Variants in MGAM2 observed in about 807,000 individuals in gnomAD.
MGAM2 encodes maltase-glucoamylase 2 (putative).
Under a neutral mutation model 96.1 loss-of-function variants are expected in MGAM2, and 98 were observed. The observed-to-expected ratio is 1.02, with a 90% CI of 0.87 to 1.21. The LOEUF (loss-of-function observed/expected upper bound fraction) is 1.21. MGAM2 is among the 50% of genes most tolerant of loss of function. The pLI is 0.00. For missense variants in MGAM2, 2,055 were observed against 1,182.4 expected (o/e 1.74, Z -10.82); for synonymous variants, 749 against 414.8 (o/e 1.81, Z -9.79).
chr7:142,137,514 C>A lies in MGAM2; in HGVS notation c.929C>A (p.Thr310Asn), dbSNP rs1795094957. 1 of 701,434 alleles carries A rather than the reference C, an allele frequency of 1.4e-6. No homozygotes were observed. Among genetic ancestry groups the A allele is most frequent in the Admixed American group, 2.0e-5 (1 of 49,912 alleles). The allele number at this position is 701,434 out of a possible 1,614,324, so 43.5% of individuals were successfully genotyped here. A position where few individuals can be genotyped will look rare whatever the true frequency, so the allele number is the denominator to read the frequency against. ...ILDFYVFLGNTPEQVVQEYLE... is the reference protein window; with the variant it reads ...ILDFYVFLGNNPEQVVQEYLE... The stretch of plus-strand genomic sequence containing the variant: ...GACTTTTACGTATTCCTAGGAAACA[C>A]TCCAGAACAAGTGGTTCAGGAATAC... The change falls in exon 9 of 48, where the codon ACT becomes AAT. Residue 310 changes from threonine to asparagine, a missense_variant. Thr to Asn is a moderately conservative substitution (Grantham distance 65). Coordinates refer to ENST00000477922, the MANE Select transcript of MGAM2 (RefSeq NM_001293626.2).
chr7:142,154,659 C>T (rs1795682249), intron 16 of MGAM2, 70 bp from the exon 17 acceptor site: 1 of 683,740 alleles, frequency 1.5e-6, no homozygotes, highest in Admixed American at 2.0e-5. Flanking sequence ...TTTCCCTTAT[C>T]ATATAAATCT....
intron 15 of MGAM2, among the ~76,000 whole-genome samples, chr7:142,153,232 C>A (rs182723313): frequency 0.016 from 2,378 of 152,248 alleles, 64 homozygotes; most frequent in African/African-American, 0.054. Flanking sequence ...GATCTCCTGA[C>A]CTCGTGATCC....
intron 3 of MGAM2, among the ~76,000 whole-genome samples, chr7:142,122,478 A>G (rs1794606890): frequency 6.6e-6 from 1 of 152,226 alleles, no homozygotes; most frequent in African/African-American, 2.4e-5. Flanking sequence ...ACAGAATGTT[A>G]CCATCACTTC....
Position 142,166,239 on chromosome 7 carries a change from G to C in MGAM2, c.2794G>C (p.Gly932Arg). 1 of 699,770 alleles carries C rather than the reference G, an allele frequency of 1.4e-6. No individual in the cohort carries two copies. Among genetic ancestry groups the C allele is most frequent in the Non-Finnish European group, 2.6e-6 (1 of 383,814 alleles). The allele number at this position is 699,770 out of a possible 1,614,324, so 43.3% of individuals were successfully genotyped here. A position where few individuals can be genotyped will look rare whatever the true frequency, so the allele number is the denominator to read the frequency against. ...CTCTGAGGAGAGTTGTAGGCAGCGGGGGTGTCTTTGGGAGGTAAATGACCA... is the reference window on the plus strand; with the variant it reads ...CTCTGAGGAGAGTTGTAGGCAGCGGCGGTGTCTTTGGGAGGTAAATGACCA... The part of the protein sequence containing the change: ...TASEESCRQR[G>R]CLWEDTSTPG... The change falls in exon 25 of 48, where the codon GGG becomes CGG. Residue 932 changes from glycine to arginine, a missense_variant. Gly to Arg is a moderately radical substitution (Grantham distance 125). Coordinates refer to ENST00000477922, the MANE Select transcript of MGAM2 (RefSeq NM_001293626.2).
At chr7:142,210,123 C>T (rs1465311801) in intron 46 of MGAM2, among the ~76,000 whole-genome samples, 10 of 152,106 alleles carry the variant, frequency 6.6e-5, no homozygotes, top group Non-Finnish European at 1.3e-4. Flanking sequence ...GTACTCCCCC[C>T]GTAGCCAAAG....
At chr7:142,114,214 GAGA>G (rs1817302776) in intron 1 of MGAM2, among the ~76,000 whole-genome samples, 2 of 129,348 alleles carry the variant, frequency 1.5e-5, no homozygotes, top group African/African-American at 3.2e-5. Context: ...AAGAAAGAAA[GAGA>G]GAAAGAAAGA....
At chr7:142,186,562 G>T (rs1796705982) in intron 35 of MGAM2, among the ~76,000 whole-genome samples, 1 of 152,240 alleles carries the variant, frequency 6.6e-6, no homozygotes, top group Non-Finnish European at 1.5e-5. Flanking sequence ...ATGGCTTAAA[G>T]GGCCTGTTCA....
chr7:142,200,341 G>A (rs1249622926), intron 45 of MGAM2, among the ~76,000 whole-genome samples: 1 of 152,092 alleles, frequency 6.6e-6, no homozygotes, highest in East Asian at 1.9e-4. Flanking sequence ...ATCTATACCA[G>A]GCACCCTGTT....
At chr7:142,189,034 C>T (rs1240564427) in intron 36 of MGAM2, among the ~76,000 whole-genome samples, 1 of 152,024 alleles carries the variant, frequency 6.6e-6, no homozygotes, top group Non-Finnish European at 1.5e-5. Context: ...AGATTTATTC[C>T]CTGGAGAACA....
chr7:142,186,029 A>G lies in MGAM2; in HGVS notation c.4028A>G (p.Asn1343Ser), dbSNP rs1353390544. Residue 1343 changes from asparagine (N) to serine (S), a missense_variant, in exon 35 of 48, where the codon AAT becomes AGT. By Grantham distance (46) the Asn-to-Ser change is conservative. Transcript: ENST00000477922. The stretch of plus-strand genomic sequence containing the variant: ...GTTGCCTTTCCTGACTTCTTTCGTA[A>G]TAGCACAGCTGCGTGGTGGAAGAAA... ...AYVAFPDFFR[N>S]STAAWWKKEI... 2.8e-6 allele frequency: 2 copies of G among 704,380 alleles called. No homozygotes were observed. Among genetic ancestry groups the G allele is most frequent in the Non-Finnish European group, 5.2e-6 (2 of 385,110 alleles). 43.6% of individuals were successfully genotyped at this position (704,380 alleles called of 1,614,324 possible).
intron 15 of MGAM2, among the ~76,000 whole-genome samples, chr7:142,150,983 A>G (rs1795564364): frequency 6.6e-6 from 1 of 152,090 alleles, no homozygotes; most frequent in South Asian, 2.1e-4. Context: ...CTCCAATCTC[A>G]ATGCTGGGAA....
chr7:142,127,798 G>A (rs1016062479), intron 3 of MGAM2, among the ~76,000 whole-genome samples: 1 of 152,182 alleles, frequency 6.6e-6, no homozygotes, highest in African/African-American at 2.4e-5. Context: ...GTGGAACTGT[G>A]AGTCCATTAA....
At chr7:142,137,786 C>A (rs1416858992) in intron 9 of MGAM2, among the ~76,000 whole-genome samples, 1 of 152,188 alleles carries the variant, frequency 6.6e-6, no homozygotes. Flanking sequence ...ATCCTGCTTT[C>A]AAGTAACTCA....
At chr7:142,121,873 A>G (rs1202768159) in intron 3 of MGAM2, among the ~76,000 whole-genome samples, 1 of 151,916 alleles carries the variant, frequency 6.6e-6, no homozygotes, top group Non-Finnish European at 1.5e-5. Context: ...GTCTAATCGT[A>G]TTGTCTATTT....
At chr7:142,149,946 C>CA (rs542986907) in intron 15 of MGAM2, among the ~76,000 whole-genome samples, 4 of 135,032 alleles carry the variant, frequency 3.0e-5, no homozygotes, top group Non-Finnish European at 6.5e-5. Context: ...CTGTTAAATT[C>CA]TTTTTTTTTT....
chr7:142,156,909 C>T (rs1047903817), intron 17 of MGAM2, among the ~76,000 whole-genome samples: 7 of 152,254 alleles, frequency 4.6e-5, no homozygotes, highest in Admixed American at 1.3e-4. Flanking sequence ...CGACCATTGA[C>T]GGAAAATTTT....
intron 3 of MGAM2, among the ~76,000 whole-genome samples, chr7:142,125,803 A>G (rs1283169914): frequency 6.6e-6 from 1 of 152,136 alleles, no homozygotes; most frequent in East Asian, 1.9e-4. Context: ...GTGTTGTGAC[A>G]TATTCTTGTT....
intron 23 of MGAM2, among the ~76,000 whole-genome samples, chr7:142,162,580 G>A (rs1795921753): frequency 1.3e-5 from 2 of 151,604 alleles, no homozygotes; most frequent in Admixed American, 6.6e-5. Context: ...TTTTGAGGCG[G>A]TCTCTCTCTC....
At chr7:142,206,991 A>T (rs912395140) in intron 45 of MGAM2, among the ~76,000 whole-genome samples, 3 of 152,206 alleles carry the variant, frequency 2.0e-5, no homozygotes, top group Non-Finnish European at 1.5e-5. Flanking sequence ...GCCAAGACTA[A>T]ATTTTAAAAT....
Sources: gnomAD v4.1 joint callset for allele counts (sites outside exome capture counted in the v4.1 genomes callset) on GRCh38, gnomAD v4.1.1 for gene constraint, MANE v1.5 for transcripts, NCBI Gene and HGNC (gene_info 2026-07-23, HGNC 2026-07-21) for gene names.